ETNK1: variants seen among roughly 807,000 people sequenced by gnomAD.
ETNK1 encodes the protein putative protein product of Nbla10396.
In ETNK1, 8 loss-of-function variants were observed where a neutral mutation model predicts 45.1. That is an observed-to-expected ratio of 0.18 (90% CI 0.10 to 0.32). The LOEUF (loss-of-function observed/expected upper bound fraction) is 0.32. Ranked by LOEUF, ETNK1 falls within the 10% of genes least tolerant of loss-of-function variation. The pLI is 1.00. For synonymous variants in ETNK1, 152 were observed against 151.9 expected, an observed-to-expected ratio of 1.00 and a Z score of -0.01; for missense variants, 302 against 430.6, an observed-to-expected ratio of 0.70 and a Z score of 2.64.
At chr12:22,660,916 C>A in intron 3 of ETNK1, 147 bp from the exon 4 acceptor site, 5 of 623,936 alleles carry the variant, frequency 8.0e-6, no homozygotes, top group East Asian at 3.4e-5. Flanking sequence ...TTTATTCTAA[C>A]TTTTGAAATA....
chr12:22,640,021 A>G (rs561441251), intron 1 of ETNK1, among the ~76,000 whole-genome samples: 13 of 152,274 alleles, frequency 8.5e-5, no homozygotes, highest in African/African-American at 1.4e-4. Flanking sequence ...TTAATTGCCA[A>G]TTTTCAGAGT....
chr12:22,648,736 T>C (rs1953837929), intron 2 of ETNK1, among the ~76,000 whole-genome samples: 1 of 152,096 alleles, frequency 6.6e-6, no homozygotes. Flanking sequence ...GGGTAAATGC[T>C]GACGAGCATG....
At position 22,625,218 on chromosome 12, in the gene ETNK1, C is replaced by T. The variant is rs552546376; in HGVS notation, c.-213C>T. 3.6e-5 allele frequency: 58 copies of T among 1,610,116 alleles called. No individual in the cohort carries two copies. Among genetic ancestry groups the T allele is most frequent in the Admixed American group, 2.2e-4 (13 of 59,846 alleles). On this transcript the variant is annotated 5_prime_UTR_variant, in exon 1 of 8. Transcript: ENST00000266517. Reference sequence around the variant, plus strand: ...CGACAACAGGAATTTTCTCCGAGAGCGGGCCGGGCTCAGTTCAGCTGCTGT... The same window carrying T: ...CGACAACAGGAATTTTCTCCGAGAGTGGGCCGGGCTCAGTTCAGCTGCTGT...
intron 5 of ETNK1, among the ~76,000 whole-genome samples, chr12:22,672,312 C>A (rs552863566): frequency 2.6e-5 from 4 of 152,052 alleles, no homozygotes; most frequent in South Asian, 2.1e-4. Context: ...TTAGAACATA[C>A]CCCAGAATGG....
intron 1 of ETNK1, among the ~76,000 whole-genome samples, chr12:22,641,234 G>A (rs1320906848): frequency 2.6e-5 from 4 of 152,032 alleles, no homozygotes; most frequent in Non-Finnish European, 5.9e-5. Flanking sequence ...TCGAGGTAAC[G>A]GTATTCTCTG....
Position 22,684,475 on chromosome 12 carries a change from C to T in ETNK1, c.946-8C>T, listed in dbSNP as rs552236916. 1 of 1,600,336 alleles carries T rather than the reference C, an allele frequency of 6.2e-7. No individual in the cohort carries two copies. Among genetic ancestry groups the T allele is most frequent in the Non-Finnish European group, 8.5e-7 (1 of 1,172,230 alleles). On this transcript the variant is annotated splice_region_variant and splice_polypyrimidine_tract_variant and intron_variant, in intron 6 of 7. Transcript: ENST00000266517. Reference sequence around the variant, plus strand: ...CATAATTTTTGATTTTTCTTTCCTTCTTTTAAGGCTTCTCATTTCTTTTGG... The same window carrying T: ...CATAATTTTTGATTTTTCTTTCCTTTTTTTAAGGCTTCTCATTTCTTTTGG...
chr12:22,649,818 G>T (rs1953852132), intron 2 of ETNK1, among the ~76,000 whole-genome samples: 1 of 151,982 alleles, frequency 6.6e-6, no homozygotes, highest in Non-Finnish European at 1.5e-5. Flanking sequence ...GTAAACTTTA[G>T]AATCAGTTTT....
chr12:22,643,722 T>C (rs1250129270), intron 1 of ETNK1, 41 bp from the exon 2 acceptor site: 1 of 1,540,710 alleles, frequency 6.5e-7, no homozygotes, highest in Non-Finnish European at 8.8e-7. Flanking sequence ...TAAAGATAGA[T>C]AATTGCTTTT....
chr12:22,637,698 G>A (rs946939241), intron 1 of ETNK1, among the ~76,000 whole-genome samples: 10 of 152,222 alleles, frequency 6.6e-5, no homozygotes, highest in African/African-American at 2.2e-4. Context: ...AAATAAGCCA[G>A]TTATTAGTTA....
chr12:22,659,498 A>G (rs1430293673), intron 3 of ETNK1, among the ~76,000 whole-genome samples: 1 of 152,192 alleles, frequency 6.6e-6, no homozygotes, highest in Non-Finnish European at 1.5e-5. Context: ...CTAGTATTAT[A>G]TAGAATAAGA....
At chr12:22,641,196 G>A (rs557394461) in intron 1 of ETNK1, among the ~76,000 whole-genome samples, 1 of 152,064 alleles carries the variant, frequency 6.6e-6, no homozygotes, top group Non-Finnish European at 1.5e-5. Context: ...AGAATGGTGG[G>A]GATTTGTCTG....
intron 1 of ETNK1, among the ~76,000 whole-genome samples, chr12:22,632,412 G>C (rs924398344): frequency 1.3e-5 from 2 of 151,628 alleles, no homozygotes; most frequent in African/African-American, 4.9e-5. Flanking sequence ...TCCCATGTTT[G>C]AATGGTATTG....
chr12:22,662,242 A>ATTTTTTTTT (rs774396641), intron 4 of ETNK1, among the ~76,000 whole-genome samples: 41 of 73,302 alleles, frequency 5.6e-4, no homozygotes, highest in East Asian at 8.1e-4. Context: ...TAATTTTTGT[A>ATTTTTTTTT]TTTTTTTTTT....
rs74068270 is a variant in ETNK1, at chr12:22,686,647, A to G, written c.*1693A>G. ...ACCAGATTTGGTTTCTACCTCCCCA[A>G]TGTTATAAATGTTCACTTTTGTTTT... On this transcript the variant is annotated 3_prime_UTR_variant, in exon 8 of 8. Transcript: ENST00000266517. 5,573 of 152,250 alleles carry G rather than the reference A, an allele frequency of 0.037. 264 individuals carry two copies. Among genetic ancestry groups the G allele is most frequent in the East Asian group, 0.21 (1,089 of 5,150 alleles). The allele number at this position is 152,250 out of a possible 1,614,324, so 9.4% of individuals were successfully genotyped here. A position where few individuals can be genotyped will look rare whatever the true frequency, so the allele number is the denominator to read the frequency against.
chr12:22,674,791 T>G (rs1954144082), intron 6 of ETNK1, among the ~76,000 whole-genome samples: 1 of 152,220 alleles, frequency 6.6e-6, no homozygotes, highest in African/African-American at 2.4e-5. Flanking sequence ...CTTGCAAACT[T>G]TTGATGACAT....
chr12:22,684,369 C>T, intron 6 of ETNK1, 114 bp from the exon 7 acceptor site: 1 of 699,686 alleles, frequency 1.4e-6, no homozygotes, highest in South Asian at 1.9e-5. Flanking sequence ...ATAAAAAGAA[C>T]AGCAAGAAAG....
At chr12:22,667,260 T>C (rs1338996609) in intron 4 of ETNK1, among the ~76,000 whole-genome samples, 1 of 152,124 alleles carries the variant, frequency 6.6e-6, no homozygotes, top group Non-Finnish European at 1.5e-5. Flanking sequence ...ACACCACACT[T>C]TTTTCTTTAG....
Position 22,685,755 on chromosome 12 carries a change from A to T in ETNK1, c.*801A>T, listed in dbSNP as rs1592140000. On this transcript the variant is annotated 3_prime_UTR_variant, in exon 8 of 8. Transcript: ENST00000266517. ...TCAGTTTTAAAAATTTTATAGTATC[A>T]AATTGTTTCTAACCAAAAATTTCCT... is the stretch of plus-strand genomic sequence containing the variant. 1.1e-5 allele frequency: 1 copy of T among 90,294 alleles called. No individual in the cohort carries two copies. Among genetic ancestry groups the T allele is most frequent in the Admixed American group, 1.1e-4 (1 of 9,142 alleles). 5.6% of individuals were successfully genotyped at this position (90,294 alleles called of 1,614,324 possible).
chr12:22,632,261 A>C (rs1012184759), intron 1 of ETNK1, among the ~76,000 whole-genome samples: 2 of 152,092 alleles, frequency 1.3e-5, no homozygotes, highest in Non-Finnish European at 2.9e-5. Flanking sequence ...TAGGAGAAAA[A>C]AATCAATTTC....
Sources: gnomAD v4.1 joint callset for allele counts (sites outside exome capture counted in the v4.1 genomes callset) on GRCh38, gnomAD v4.1.1 for gene constraint, MANE v1.5 for transcripts, NCBI Gene and HGNC (gene_info 2026-07-23, HGNC 2026-07-21) for gene names.